The following TERB2 variants were observed in gnomAD, a reference collection of about 807,000 sequenced individuals.
TERB2 encodes telomere repeats-binding bouquet formation protein 2.
A neutral mutation model predicts 29.8 loss-of-function variants in TERB2; 26 were observed. That is an observed-to-expected ratio of 0.87 (90% CI 0.64 to 1.21). The LOEUF (loss-of-function observed/expected upper bound fraction) is 1.21, where lower values mean the gene tolerates loss of function less well. TERB2 is among the 50% of genes most tolerant of loss of function. The pLI, the probability that TERB2 is intolerant of heterozygous loss-of-function variation, is 0.00. For synonymous variants in TERB2, 80 were observed against 90.8 expected (o/e 0.88, Z 0.68); for missense variants, 240 against 268.6 (o/e 0.89, Z 0.74).
At chr15:44,976,678 T>A (rs1288946024) in intron 6 of TERB2, among the ~76,000 whole-genome samples, 2 of 152,126 alleles carry the variant, frequency 1.3e-5, no homozygotes, top group African/African-American at 4.8e-5. Flanking sequence ...TGGCTGGCTA[T>A]CACAGATGCA....
intron 6 of TERB2, chr15:44,976,083 A>G (rs1420217068): frequency 6.6e-6 from 1 of 152,192 alleles, no homozygotes; most frequent in African/African-American, 2.4e-5. Flanking sequence ...TATTATAGAG[A>G]TGAGGTCTCA....
intron 5 of TERB2, among the ~76,000 whole-genome samples, chr15:44,966,751 G>A (rs1414611883): frequency 6.6e-6 from 1 of 152,192 alleles, no homozygotes; most frequent in Non-Finnish European, 1.5e-5. Context: ...AGGATGAAAA[G>A]TGGTGAGTGA....
intron 6 of TERB2, among the ~76,000 whole-genome samples, chr15:44,975,450 C>T (rs1464829531): frequency 6.6e-6 from 1 of 152,010 alleles, no homozygotes; most frequent in Non-Finnish European, 1.5e-5. Flanking sequence ...GTGACTAAAA[C>T]TTCACTATCT....
intron 4 of TERB2, among the ~76,000 whole-genome samples, chr15:44,963,270 C>A (rs557311131): frequency 6.6e-6 from 1 of 151,940 alleles, no homozygotes; most frequent in Non-Finnish European, 1.5e-5. Flanking sequence ...AACAGCATCA[C>A]CAATATTGGA....
intron 4 of TERB2, among the ~76,000 whole-genome samples, chr15:44,964,940 T>C (rs1891859318): frequency 1.3e-5 from 2 of 151,836 alleles, no homozygotes; most frequent in African/African-American, 2.4e-5. Flanking sequence ...GGCGGGCCGA[T>C]TGCCTGAGCT....
At position 44,978,861 on chromosome 15, in the gene TERB2, G is replaced by A. The variant is rs1339466451; in HGVS notation, c.*233G>A. The stretch of plus-strand genomic sequence containing the variant: ...ATTCTCAATGCACAGTTGTTAATGA[G>A]TAATTGCCGTTAAAATATATTTCAT... On this transcript the variant is annotated 3_prime_UTR_variant, in exon 7 of 7. Coordinates refer to ENST00000340827, the MANE Select transcript of TERB2 (RefSeq NM_152448.3). 3 of 325,454 alleles carry A rather than the reference G, an allele frequency of 9.2e-6. No individual in the cohort carries two copies. The highest frequency in any genetic ancestry group is 1.5e-5 in the Non-Finnish European group (3 of 199,340). 20.2% of individuals were successfully genotyped at this position (325,454 alleles called of 1,614,324 possible). A position where few individuals can be genotyped will look rare whatever the true frequency, so the allele number is the denominator to read the frequency against.
chr15:44,961,476 T>G (rs571325392), intron 3 of TERB2, 47 bp from the exon 4 acceptor site: 5 of 1,151,150 alleles, frequency 4.3e-6, no homozygotes, highest in African/African-American at 3.3e-5. Flanking sequence ...AGAAGATTCT[T>G]AAAAAAAAAA....
rs1655783137 is a variant in TERB2, at chr15:44,979,020, T to C, written c.*392T>C. On this transcript the variant is annotated 3_prime_UTR_variant, in exon 7 of 7. Transcript: ENST00000340827. ...TTCAAATGTTCTTTTGGCTTTAACA[T>C]TCTATTAATTATATTTTTTCTAGAT... is the stretch of plus-strand genomic sequence containing the variant. 6.5e-6 allele frequency: 1 copy of C among 152,742 alleles called. No homozygotes were observed. The highest frequency in any genetic ancestry group is 6.5e-5 in the Admixed American group (1 of 15,298). 9.5% of individuals were successfully genotyped at this position (152,742 alleles called of 1,614,324 possible).
chr15:44,961,499 T>C, intron 3 of TERB2, 24 bp from the exon 4 acceptor site: 2 of 1,541,994 alleles, frequency 1.3e-6, no homozygotes, highest in Non-Finnish European at 8.8e-7. Flanking sequence ...CAAAACAGTA[T>C]TGGATTTGTT....
chr15:44,966,115 G>A, intron 4 of TERB2, 43 bp from the exon 5 acceptor site: 1 of 1,174,570 alleles, frequency 8.5e-7, no homozygotes, highest in Non-Finnish European at 1.2e-6. Flanking sequence ...TGGATCACTG[G>A]TATGACGATT....
At chr15:44,974,014 G>A (rs1191715050) in intron 6 of TERB2, 59 bp downstream of exon 6, 14 of 1,377,500 alleles carry the variant, frequency 1.0e-5, no homozygotes, top group African/African-American at 1.5e-5. Context: ...GGAATATTGT[G>A]TTGAATAAAG....
At chr15:44,967,194 A>T (rs555448487) in intron 5 of TERB2, among the ~76,000 whole-genome samples, 1 of 152,068 alleles carries the variant, frequency 6.6e-6, no homozygotes, top group South Asian at 2.1e-4. Flanking sequence ...TTGCAGGCTT[A>T]TACATGATCT....
In TERB2 at chr15:44,978,859, G is replaced by C. The variant is rs1448009133; in HGVS notation, c.*231G>C. The C allele has an allele frequency of 2.9e-6, 1 of 346,002 alleles. No individual in the cohort carries two copies. Among genetic ancestry groups the C allele is most frequent in the Non-Finnish European group, 4.7e-6 (1 of 214,498 alleles). The allele number at this position is 346,002 out of a possible 1,614,324, so 21.4% of individuals were successfully genotyped here. ...ATATTCTCAATGCACAGTTGTTAAT[G>C]AGTAATTGCCGTTAAAATATATTTC... is the stretch of plus-strand genomic sequence containing the variant. On this transcript the variant is annotated 3_prime_UTR_variant, in exon 7 of 7. Coordinates refer to ENST00000340827, the MANE Select transcript of TERB2 (RefSeq NM_152448.3).
rs1292439513 is a variant in TERB2 at position 44,973,134 on chromosome 15, G to C, written c.435-733G>C. The stretch of plus-strand genomic sequence containing the variant: ...GACCTCAGGTGATCCACCTGCCTCG[G>C]CCTCCCAAAGTGCCAGATTTACAGG... On this transcript the variant is annotated intron_variant, in intron 5 of 6. Transcript: ENST00000340827. 3.9e-5 allele frequency among the ~76,000 whole-genome samples: 6 copies of C among 152,194 alleles called. No individual in the cohort carries two copies. In the East Asian group the frequency reaches 1.2e-3, roughly 29 times the overall value.
Position 44,959,781 on chromosome 15 carries a change from G to A in TERB2, c.286+1269G>A, listed in dbSNP as rs142970122. 7.8e-4 allele frequency among the ~76,000 whole-genome samples: 118 copies of A among 152,246 alleles called. 1 individual carries two copies. The Middle Eastern group carries it at 0.01, about 13-fold the overall frequency. On this transcript the variant is annotated intron_variant, in intron 3 of 6. Transcript: ENST00000340827. ...GTAGCTTGTCTACATATCAAGATACGTGTTATCATACATATCGTAGATACG... is the reference window on the plus strand; with the variant it reads ...GTAGCTTGTCTACATATCAAGATACATGTTATCATACATATCGTAGATACG...
intron 5 of TERB2, among the ~76,000 whole-genome samples, chr15:44,972,841 T>A (rs1891990413): frequency 1.3e-5 from 2 of 151,944 alleles, no homozygotes; most frequent in South Asian, 4.1e-4. Context: ...AAAATAAGAA[T>A]ATACATTTTT....
At chr15:44,956,854 C>CA (rs972878500) in intron 1 of TERB2, 42 bp from the exon 2 acceptor site, 1 of 1,611,752 alleles carries the variant, frequency 6.2e-7, no homozygotes, top group Admixed American at 1.7e-5. Flanking sequence ...GCTTTGGGTC[C>CA]AGGGTGCTTG....
intron 6 of TERB2, among the ~76,000 whole-genome samples, chr15:44,974,887 T>C (rs929680271): frequency 3.3e-5 from 5 of 152,124 alleles, no homozygotes; most frequent in African/African-American, 1.2e-4. Context: ...ACTATCCCTG[T>C]TCATTTGGAC....
intron 5 of TERB2, among the ~76,000 whole-genome samples, chr15:44,966,490 G>A (rs1238784736): frequency 6.6e-6 from 1 of 152,108 alleles, no homozygotes; most frequent in Non-Finnish European, 1.5e-5. Flanking sequence ...TTAAATGGTA[G>A]TCATTAAATA....
Sources: gnomAD v4.1 joint callset for allele counts (sites outside exome capture counted in the v4.1 genomes callset) on GRCh38, gnomAD v4.1.1 for gene constraint, MANE v1.5 for transcripts, NCBI Gene and HGNC (gene_info 2026-07-23, HGNC 2026-07-21) for gene names.